SVOPL: variants seen among roughly 807,000 people sequenced by gnomAD.
SVOPL encodes the protein SVOP like, also known as putative transporter SVOPL.
A neutral mutation model predicts 61.0 loss-of-function variants in SVOPL; 60 were observed. The observed-to-expected ratio is 0.98, with a 90% CI of 0.80 to 1.22. SVOPL has a LOEUF of 1.22. Ranked by LOEUF, SVOPL falls within the 50% of genes most tolerant of loss-of-function variation. The pLI, the probability that SVOPL is intolerant of heterozygous loss-of-function variation, is 0.00. For missense variants in SVOPL, 662 were observed against 643.9 expected (o/e 1.03, Z -0.30); for synonymous variants, 279 against 250.0 (o/e 1.12, Z -1.09).
At chr7:138,641,057 G>C (rs534717903) in intron 9 of SVOPL, among the ~76,000 whole-genome samples, 1 of 152,132 alleles carries the variant, frequency 6.6e-6, no homozygotes, top group South Asian at 2.1e-4. Flanking sequence ...TTAAAAATTA[G>C]CTGGGTATGA....
intron 14 of SVOPL, among the ~76,000 whole-genome samples, chr7:138,618,709 CGAGA>C (rs59361038): frequency 0.045 from 5,786 of 129,854 alleles, 340 homozygotes; most frequent in African/African-American, 0.15. Context: ...TGCACACGCG[CGAGA>C]GAGAGAGAGA....
intron 8 of SVOPL, among the ~76,000 whole-genome samples, chr7:138,648,516 T>A (rs1301018121): frequency 7.8e-6 from 1 of 128,962 alleles, no homozygotes; most frequent in Non-Finnish European, 1.6e-5. Context: ...GGTGAAACAC[T>A]GTCTCTACTA....
chr7:138,689,824 T>A (rs1039248392), intron 1 of SVOPL, among the ~76,000 whole-genome samples: 2 of 138,072 alleles, frequency 1.4e-5, no homozygotes, highest in Non-Finnish European at 3.0e-5. Context: ...GCCACTGCAC[T>A]CCAGTCTGGG....
At chr7:138,640,799 C>G (rs1437526430) in intron 9 of SVOPL, among the ~76,000 whole-genome samples, 2 of 152,206 alleles carry the variant, frequency 1.3e-5, no homozygotes, top group East Asian at 3.9e-4. Flanking sequence ...GAGAAACTAA[C>G]TATTGGGTAC....
At chr7:138,663,585 A>G in intron 4 of SVOPL, 1 of 990,436 alleles carries the variant, frequency 1.0e-6, no homozygotes, top group Non-Finnish European at 1.2e-6. Context: ...CTCATTTAAA[A>G]AACTCTTCAG....
At chr7:138,670,923 A>C (rs913037487) in intron 4 of SVOPL, among the ~76,000 whole-genome samples, 3 of 152,162 alleles carry the variant, frequency 2.0e-5, no homozygotes, top group Non-Finnish European at 4.4e-5. Flanking sequence ...CTCTTTTAAG[A>C]TTAAAAATAA....
At chr7:138,646,952 G>A (rs959984228) in intron 8 of SVOPL, among the ~76,000 whole-genome samples, 4 of 152,232 alleles carry the variant, frequency 2.6e-5, no homozygotes, top group African/African-American at 9.6e-5. Context: ...TGCATAGAAG[G>A]CACTGGCCAA....
At chr7:138,643,328 G>A (rs1800925959) in intron 9 of SVOPL, among the ~76,000 whole-genome samples, 1 of 150,910 alleles carries the variant, frequency 6.6e-6, no homozygotes, top group Non-Finnish European at 1.5e-5. Flanking sequence ...GGGAGGCTGA[G>A]GCAGGAGAAT....
intron 5 of SVOPL, chr7:138,661,810 AC>A (rs1802014001): frequency 1.0e-6 from 1 of 967,830 alleles, no homozygotes; most frequent in Non-Finnish European, 1.2e-6. Flanking sequence ...GGACTGTATG[AC>A]TTCCGAGCTG....
At chr7:138,639,028 G>A (rs112504162) in intron 9 of SVOPL, among the ~76,000 whole-genome samples, 6 of 152,078 alleles carry the variant, frequency 3.9e-5, no homozygotes, top group African/African-American at 1.4e-4. Context: ...TGAGGCAGGT[G>A]GATCACCTGA....
chr7:138,630,222 G>A (rs1391336330), intron 9 of SVOPL, 100 bp from the exon 10 acceptor site: 2 of 997,444 alleles, frequency 2.0e-6, no homozygotes, highest in Admixed American at 3.7e-5. Context: ...TCATATTGGA[G>A]CATGGTGGCC....
Position 138,626,064 on chromosome 7 carries a change from A to C in SVOPL, c.1182-14T>G, listed in dbSNP as rs780732524. ...ATCAGGCCGGCACTAGAAAACAGGA[A>C]GCGGAGAGAAATTATAAAAGGCAGC... On this transcript the variant is annotated splice_polypyrimidine_tract_variant and intron_variant, in intron 12 of 15. Transcript: ENST00000674285. The C allele has an allele frequency of 6.2e-7, 1 of 1,613,780 alleles. No homozygotes were observed. The highest frequency in any genetic ancestry group is 1.1e-5 in the South Asian group (1 of 91,004).
At chr7:138,649,821 G>A (rs1374367856) in intron 7 of SVOPL, among the ~76,000 whole-genome samples, 2 of 150,708 alleles carry the variant, frequency 1.3e-5, no homozygotes, top group Non-Finnish European at 3.0e-5. Context: ...GTAGTGAATG[G>A]TGAAAAAAAA....
At chr7:138,633,510 C>G (rs918584457) in intron 9 of SVOPL, among the ~76,000 whole-genome samples, 1 of 152,190 alleles carries the variant, frequency 6.6e-6, no homozygotes, top group Admixed American at 6.5e-5. Flanking sequence ...TAGAGGCTTC[C>G]TGAGGCCTCA....
In SVOPL at chr7:138,627,428, A is replaced by G. The variant is rs761534547; in HGVS notation, c.1103T>C (p.Leu368Pro). 2.5e-6 allele frequency: 4 copies of G among 1,613,868 alleles called. No homozygotes were observed. Among genetic ancestry groups the G allele is most frequent in the Non-Finnish European group, 3.4e-6 (4 of 1,179,752 alleles). Residue 368 changes from leucine to proline, a missense_variant, in exon 12 of 16, where the codon CTG (leucine) becomes CCG (proline). By Grantham distance (98) the Leu-to-Pro change is moderately conservative. Transcript: ENST00000674285. ...AATAGAAAGGCTCAGCCGTCTTCCC[A>G]GGAAATTGATGCCCAGTATATTTAA... The part of the protein sequence containing the change: ...NPLNILGINF[L>P]GRRLSLSITM...
intron 3 of SVOPL, among the ~76,000 whole-genome samples, chr7:138,672,872 T>C (rs1253620848): frequency 6.7e-6 from 1 of 149,622 alleles, no homozygotes; most frequent in Admixed American, 6.7e-5. Context: ...TATCCATATT[T>C]TGCAATCCGT....
At position 138,694,914 on chromosome 7, in the gene SVOPL, T is replaced by C. The variant is rs80307465; in HGVS notation, c.-35+6264A>G. On this transcript the variant is annotated intron_variant, in intron 1 of 15. Coordinates refer to ENST00000674285, the MANE Select transcript of SVOPL (RefSeq NM_001139456.2). ...CCACCACACCCAGCTAATTTTTGTA[T>C]GTTTAGTAGAGACAGGGTTTCACCA... 6.9e-3 allele frequency among the ~76,000 whole-genome samples: 1,043 copies of C among 151,950 alleles called. 23 individuals carry two copies. Among genetic ancestry groups the C allele is most frequent in the East Asian group, 0.059 (304 of 5,120 alleles).
chr7:138,681,592 C>T (rs945423084), intron 1 of SVOPL, among the ~76,000 whole-genome samples: 4 of 151,920 alleles, frequency 2.6e-5, no homozygotes, highest in African/African-American at 7.3e-5. Context: ...GGGAGGCTGA[C>T]GCAGGAGGAT....
Position 138,594,482 on chromosome 7 carries a change from TAA to T in SVOPL, c.*126_*127del. ...CCTACCCCATTCCCATATATGCCTTTAAAAAAAAAATCACTTTACTAATTACC... is the reference window on the plus strand; with the variant it reads ...CCTACCCCATTCCCATATATGCCTTTAAAAAAAATCACTTTACTAATTACC... On this transcript the variant is annotated 3_prime_UTR_variant, in exon 16 of 16. Transcript: ENST00000674285. The T allele has an allele frequency of 2.9e-6, 2 of 692,862 alleles. No individual in the cohort carries two copies. The highest frequency in any genetic ancestry group is 2.2e-6 in the Non-Finnish European group (1 of 446,586). 42.9% of individuals were successfully genotyped at this position (692,862 alleles called of 1,614,324 possible). A position where few individuals can be genotyped will look rare whatever the true frequency, so the allele number is the denominator to read the frequency against.
Sources: gnomAD v4.1 joint callset for allele counts (sites outside exome capture counted in the v4.1 genomes callset) on GRCh38, gnomAD v4.1.1 for gene constraint, MANE v1.5 for transcripts, NCBI Gene and HGNC (gene_info 2026-07-23, HGNC 2026-07-21) for gene names.